RINL: variants seen among roughly 807,000 people sequenced by gnomAD.
RINL encodes the protein Ras and Rab interactor like.
Under a neutral mutation model 58.1 loss-of-function variants are expected in RINL, and 39 were observed. That is an observed-to-expected ratio of 0.67 (90% CI 0.52 to 0.88). The LOEUF (loss-of-function observed/expected upper bound fraction) is 0.88, where lower values mean the gene tolerates loss of function less well. Among genes scored for constraint, RINL ranks in the 40% least tolerant of loss-of-function variants. The pLI, the probability that RINL is intolerant of heterozygous loss-of-function variation, is 0.00. For missense variants in RINL, 711 were observed against 749.2 expected, an observed-to-expected ratio of 0.95 and a Z score of 0.60; for synonymous variants, 286 against 323.1, an observed-to-expected ratio of 0.89 and a Z score of 1.23.
chr19:38,871,287 TCAA>T, intron 6 of RINL, 60 bp from the exon 7 acceptor site: 1 of 1,588,156 alleles, frequency 6.3e-7, no homozygotes, highest in Non-Finnish European at 8.6e-7. Context: ...CCTGGTCCCC[TCAA>T]GGCGCCAGGA....
Position 38,868,975 on chromosome 19 carries a change from T to G in RINL, c.*129A>C, listed in dbSNP as rs1206324811. On this transcript the variant is annotated 3_prime_UTR_variant, in exon 12 of 12. Transcript: ENST00000591812. The stretch of plus-strand genomic sequence containing the variant: ...CGCCCGGCTAATTTTTGTTTTTTTT[T>G]TTTTTTGGTAGATGGGGGTCCCACT... 5 of 806,770 alleles carry G rather than the reference T, an allele frequency of 6.2e-6. No homozygotes were observed. The highest frequency in any genetic ancestry group is 7.4e-6 in the Non-Finnish European group (4 of 537,500). The allele number at this position is 806,770 out of a possible 1,614,324, so 50.0% of individuals were successfully genotyped here. A position where few individuals can be genotyped will look rare whatever the true frequency, so the allele number is the denominator to read the frequency against.
intron 6 of RINL, 107 bp from the exon 7 acceptor site, chr19:38,871,334 G>A (rs1972810956): frequency 3.1e-6 from 4 of 1,276,212 alleles, no homozygotes; most frequent in East Asian, 2.4e-5. Context: ...TGGAGGTGCT[G>A]AGGCTTAGCT....
In RINL at chr19:38,870,432, C is replaced by T. The variant is rs2145474352; in HGVS notation, c.1024+138G>A. On this transcript the variant is annotated intron_variant, in intron 8 of 11. Coordinates refer to ENST00000591812, the MANE Select transcript of RINL (RefSeq NM_001195833.2). This position sits in a 1 kb window ranked among gnomAD's most constrained non-coding sequence, Gnocchi z 5.8. Reference sequence around the variant, plus strand: ...AAGAGTTAGCCTGGGTGTGAACTTGCGCGCATACGTGGGCGATAGAACGCG... The same window carrying T: ...AAGAGTTAGCCTGGGTGTGAACTTGTGCGCATACGTGGGCGATAGAACGCG... 1 of 1,104,824 alleles carries T rather than the reference C, an allele frequency of 9.1e-7. No homozygotes were observed. The highest frequency in any genetic ancestry group is 1.3e-6 in the Non-Finnish European group (1 of 799,662). The allele number at this position is 1,104,824 out of a possible 1,614,324, so 68.4% of individuals were successfully genotyped here.
Position 38,870,130 on chromosome 19 carries a change from C to A in RINL, c.1155G>T (p.Ala385=). ...RLRRRQTALR[A]GAGPPGAQGP... is the part of the protein sequence containing the mutation. ...CCTGTGCCCCCGGAGGCCCCGCCCC[C>A]GCCCGCAGGGCTGTCTGTCGCCGCC... Residue 385 remains alanine, a synonymous_variant, in exon 9 of 12, where the codon GCG becomes GCT. Transcript: ENST00000591812. This position sits in a 1 kb window ranked among gnomAD's most constrained non-coding sequence, Gnocchi z 5.8. 1 of 1,419,788 alleles carries A rather than the reference C, an allele frequency of 7.0e-7. No individual in the cohort carries two copies. Among genetic ancestry groups the A allele is most frequent in the South Asian group, 1.5e-5 (1 of 66,706 alleles). 87.9% of individuals were successfully genotyped at this position (1,419,788 alleles called of 1,614,324 possible). A position where few individuals can be genotyped will look rare whatever the true frequency, so the allele number is the denominator to read the frequency against.
chr19:38,870,819 G>A lies in RINL; in HGVS notation c.775C>T (p.Leu259Phe), dbSNP rs1458366820. The A allele has an allele frequency of 6.2e-7, 1 of 1,610,654 alleles. No individual in the cohort carries two copies. Among genetic ancestry groups the A allele is most frequent in the East Asian group, 2.2e-5 (1 of 44,898 alleles). The change falls in exon 8 of 12, where the codon CTC becomes TTC. Residue 259 changes from leucine to phenylalanine, a missense_variant. By Grantham distance (22) the Leu-to-Phe change is conservative. Transcript: ENST00000591812. The surrounding 1 kb of genome is among the most constrained non-coding windows in gnomAD (Gnocchi z 5.8). ...DPEEEGPEDV[L>F]TIHVQSLVRA... ...ACCAGAGACTGGACGTGAATGGTGA[G>A]CACGTCCTCAGGGCCTTCCTCTTCA...
At position 38,868,367 on chromosome 19, in the gene RINL, T is replaced by C. The variant is rs1409492418; in HGVS notation, c.*737A>G. ...AACGATCACAATTGGGCACGGTGGC[T>C]CACGCCTATAATCTCAGCACTTTGG... On this transcript the variant is annotated 3_prime_UTR_variant, in exon 12 of 12. Transcript: ENST00000591812. The C allele has an allele frequency of 1.3e-5, 2 of 151,920 alleles. No homozygotes were observed. Among genetic ancestry groups the C allele is most frequent in the Non-Finnish European group, 2.9e-5 (2 of 68,004 alleles). 9.4% of individuals were successfully genotyped at this position (151,920 alleles called of 1,614,324 possible). A position where few individuals can be genotyped will look rare whatever the true frequency, so the allele number is the denominator to read the frequency against.
Position 38,870,129 on chromosome 19 carries a change from C to G in RINL, c.1156G>C (p.Gly386Arg), listed in dbSNP as rs762866990. Residue 386 changes from glycine to arginine, a missense_variant, in exon 9 of 12, where the codon GGG becomes CGG. Physicochemically the swap from Gly to Arg is moderately radical, Grantham distance 125 (BLOSUM62 -2). Transcript: ENST00000591812. The surrounding 1 kb of genome is among the most constrained non-coding windows in gnomAD (Gnocchi z 5.8). The part of the protein sequence containing the change: ...LRRRQTALRA[G>R]AGPPGAQGPG... ...CCCTGTGCCCCCGGAGGCCCCGCCCCCGCCCGCAGGGCTGTCTGTCGCCGC... is the reference window on the plus strand; with the variant it reads ...CCCTGTGCCCCCGGAGGCCCCGCCCGCGCCCGCAGGGCTGTCTGTCGCCGC... 1 of 1,420,682 alleles carries G rather than the reference C, an allele frequency of 7.0e-7. No individual in the cohort carries two copies. The highest frequency in any genetic ancestry group is 9.1e-7 in the Non-Finnish European group (1 of 1,097,922). The allele number at this position is 1,420,682 out of a possible 1,614,324, so 88.0% of individuals were successfully genotyped here.
chr19:38,875,637 A>G (rs1376548772), intron 3 of RINL, among the ~76,000 whole-genome samples: 2 of 151,754 alleles, frequency 1.3e-5, no homozygotes, highest in African/African-American at 4.8e-5. Context: ...AGATCATGCC[A>G]TTGCACTCCA....
chr19:38,872,610 T>TA (rs1166818780), intron 4 of RINL, among the ~76,000 whole-genome samples: 79 of 151,630 alleles, frequency 5.2e-4, no homozygotes, highest in Admixed American at 4.1e-3. Flanking sequence ...CATGGTGACT[T>TA]ACGCCTGTAA....
In RINL at chr19:38,869,965, G is replaced by T. The variant is rs748266240; in HGVS notation, c.1320C>A (p.Gly440=). The T allele has an allele frequency of 6.3e-7, 1 of 1,599,854 alleles. No homozygotes were observed. Among genetic ancestry groups the T allele is most frequent in the African/African-American group, 1.3e-5 (1 of 74,716 alleles). ...LLEVCRDVYA[G]LARGENQDPL... is the part of the protein sequence containing the mutation. ...TACCTTGGTTCTCGCCTCGAGCCAGGCCCGCATAGACATCTCTGCACACCT... is the reference window on the plus strand; with the variant it reads ...TACCTTGGTTCTCGCCTCGAGCCAGTCCCGCATAGACATCTCTGCACACCT... Residue 440 remains glycine, a synonymous_variant, in exon 9 of 12, where the codon GGC becomes GGA. Transcript: ENST00000591812. The surrounding 1 kb of genome is among the most constrained non-coding windows in gnomAD (Gnocchi z 5.7).
Position 38,870,440 on chromosome 19 carries a change from C to A in RINL, c.1024+130G>T. The A allele has an allele frequency of 8.6e-7, 1 of 1,162,970 alleles. No individual in the cohort carries two copies. Among genetic ancestry groups the A allele is most frequent in the Non-Finnish European group, 1.2e-6 (1 of 851,104 alleles). The allele number at this position is 1,162,970 out of a possible 1,614,324, so 72.0% of individuals were successfully genotyped here. ...GCCTGGGTGTGAACTTGCGCGCATA[C>A]GTGGGCGATAGAACGCGTGGGATGT... On this transcript the variant is annotated intron_variant, in intron 8 of 11. Transcript: ENST00000591812. The surrounding 1 kb of genome is among the most constrained non-coding windows in gnomAD (Gnocchi z 5.8).
chr19:38,869,213 C>T lies in RINL; in HGVS notation c.1638+34G>A, dbSNP rs1435761019. The T allele has an allele frequency of 6.2e-7, 1 of 1,614,126 alleles. No individual in the cohort carries two copies. Among genetic ancestry groups the T allele is most frequent in the Non-Finnish European group, 8.5e-7 (1 of 1,180,000 alleles). ...GGGTCAGAAGGGCACCAGGTCTCAC[C>T]CTCCCTTCTACTTGCAGCCAGATGG... On this transcript the variant is annotated intron_variant, in intron 11 of 11. Coordinates refer to ENST00000591812, the MANE Select transcript of RINL (RefSeq NM_001195833.2). The surrounding 1 kb of genome is among the most constrained non-coding windows in gnomAD (Gnocchi z 5.7).
intron 4 of RINL, chr19:38,873,640 C>A: frequency 2.8e-6 from 1 of 358,284 alleles, no homozygotes; most frequent in Non-Finnish European, 5.3e-6. Context: ...ATTCTCGTGC[C>A]TCGGCCTGCC....
chr19:38,873,900 T>A lies in RINL; in HGVS notation c.299A>T (p.Gln100Leu). Residue 100 changes from glutamine (Q) to leucine (L), a missense_variant, in exon 4 of 12, where the codon CAG becomes CTG. By Grantham distance (113) the Gln-to-Leu change is moderately radical. Transcript: ENST00000591812. ...AGGTGCCTTACCTCTGGGAATCTTC[T>A]GGATCTGGTAGGTATTGACTTCTCC... ...LPGEVNTYQI[Q>L]KIPRGVSLES... 5 of 1,533,478 alleles carry A rather than the reference T, an allele frequency of 3.3e-6. No homozygotes were observed. The highest frequency in any genetic ancestry group is 4.4e-6 in the Non-Finnish European group (5 of 1,144,508). 95.0% of individuals were successfully genotyped at this position (1,533,478 alleles called of 1,614,324 possible).
chr19:38,871,508 C>T (rs912213251), intron 6 of RINL, 139 bp downstream of exon 6: 2 of 813,168 alleles, frequency 2.5e-6, no homozygotes, highest in Non-Finnish European at 4.0e-6. Flanking sequence ...ACTACAAAGT[C>T]CAGGCCCCCA....
At position 38,870,019 on chromosome 19, in the gene RINL, G is replaced by A. The variant is rs773966036; in HGVS notation, c.1266C>T (p.Ala422=). The A allele has an allele frequency of 1.0e-5, 16 of 1,578,206 alleles. 1 individual carries two copies. In the South Asian group the frequency reaches 1.7e-4, roughly 17 times the overall value. The part of the protein sequence containing the change: ...ERLAHLHAAC[A]PRRKVALLLE... Reference sequence around the variant, plus strand: ...AGAGGAGCGCCACCTTGCGGCGCGGGGCGCAGGCAGCGTGGAGGTGCGCAA... The same window carrying A: ...AGAGGAGCGCCACCTTGCGGCGCGGAGCGCAGGCAGCGTGGAGGTGCGCAA... The change falls in exon 9 of 12, where the codon GCC becomes GCT. Residue 422 remains alanine, a synonymous_variant. Transcript: ENST00000591812. This position sits in a 1 kb window ranked among gnomAD's most constrained non-coding sequence, Gnocchi z 5.8.
chr19:38,868,997 C>T lies in RINL; in HGVS notation c.*107G>A. The stretch of plus-strand genomic sequence containing the variant: ...TTTTTTTTTTGGTAGATGGGGGTCC[C>T]ACTGTTTTGCCCAGGCTGGTCTCAA... On this transcript the variant is annotated 3_prime_UTR_variant, in exon 12 of 12. Coordinates refer to ENST00000591812, the MANE Select transcript of RINL (RefSeq NM_001195833.2). The T allele has an allele frequency of 1.0e-6, 1 of 978,504 alleles. No homozygotes were observed. The highest frequency in any genetic ancestry group is 1.5e-6 in the Non-Finnish European group (1 of 678,146). 60.6% of individuals were successfully genotyped at this position (978,504 alleles called of 1,614,324 possible).
At chr19:38,876,241 G>A in intron 3 of RINL, 90 bp downstream of exon 3, 1 of 1,327,914 alleles carries the variant, frequency 7.5e-7, no homozygotes, top group Non-Finnish European at 1.0e-6. Flanking sequence ...AGCCTTTTTG[G>A]TTTGCCCAAT....
At position 38,869,186 on chromosome 19, in the gene RINL, C is replaced by T. The variant is rs1972738488; in HGVS notation, c.1639-20G>A. The T allele has an allele frequency of 1.9e-6, 3 of 1,614,126 alleles. No individual in the cohort carries two copies. Among genetic ancestry groups the T allele is most frequent in the South Asian group, 2.2e-5 (2 of 91,084 alleles). ...GTTGGCCTGTGGGGAGAGGTGGGAGCTGGGTCAGAAGGGCACCAGGTCTCA... is the reference window on the plus strand; with the variant it reads ...GTTGGCCTGTGGGGAGAGGTGGGAGTTGGGTCAGAAGGGCACCAGGTCTCA... On this transcript the variant is annotated intron_variant, in intron 11 of 11. Coordinates refer to ENST00000591812, the MANE Select transcript of RINL (RefSeq NM_001195833.2). This position sits in a 1 kb window ranked among gnomAD's most constrained non-coding sequence, Gnocchi z 5.7.
Sources: gnomAD v4.1 joint callset for allele counts (sites outside exome capture counted in the v4.1 genomes callset) on GRCh38, gnomAD v4.1.1 for gene constraint, Gnocchi (gnomAD v3.1) non-coding constraint, MANE v1.5 for transcripts, NCBI Gene and HGNC (gene_info 2026-07-23, HGNC 2026-07-21) for gene names.